The following ZFHX3 variants were observed in gnomAD, a reference collection of about 807,000 sequenced individuals.
The protein encoded by ZFHX3 is zinc finger homeobox 3.
ZFHX3 carries 42 observed loss-of-function variants against 279.1 expected under a neutral mutation model. The ratio of observed to expected loss-of-function variants is 0.15; its 90% CI spans 0.12 to 0.19. ZFHX3 has a LOEUF of 0.19. ZFHX3 is among the 10% of genes least tolerant of loss of function. The probability of loss-of-function intolerance (pLI) is 1.00; values close to 1 mark genes in which losing one functional copy is unlikely to be tolerated. For synonymous variants in ZFHX3, 2,293 were observed against 1,957.8 expected (o/e 1.17, Z -4.52); for missense variants, 4,981 against 4,754.0 (o/e 1.05, Z -1.40).
chr16:73,473,339 C>CAAAAAAAAAAAAAAAAACAAAAAAAAA (rs2018703248), intron 2 of ZFHX3, among the ~76,000 whole-genome samples: 1 of 76,658 alleles, frequency 1.3e-5, no homozygotes, highest in Non-Finnish European at 2.3e-5. Context: ...TGTCTCAAAG[C>CAAAAAAAAAAAAAAAAACAAAAAAAAA]AAAAAAAAAA....
intron 2 of ZFHX3, among the ~76,000 whole-genome samples, chr16:73,532,931 C>A (rs1250158367): frequency 3.9e-5 from 6 of 152,186 alleles, no homozygotes; most frequent in Non-Finnish European, 7.3e-5. Flanking sequence ...AAGGGGGGGC[C>A]TTCTGCCATG....
intron 2 of ZFHX3, among the ~76,000 whole-genome samples, chr16:73,577,731 T>G (rs1178587225): frequency 6.6e-6 from 1 of 152,210 alleles, no homozygotes; most frequent in Non-Finnish European, 1.5e-5. Flanking sequence ...AAATCTAAAT[T>G]TTTTGGAAGA....
intron 3 of ZFHX3, among the ~76,000 whole-genome samples, chr16:72,943,682 G>C (rs897865636): frequency 6.6e-6 from 1 of 152,190 alleles, no homozygotes; most frequent in African/African-American, 2.4e-5. Context: ...TCACTGTGTG[G>C]GAGTCTGGCC....
At chr16:73,839,257 G>T (rs1311655470) in intron 1 of ZFHX3, among the ~76,000 whole-genome samples, 1 of 142,036 alleles carries the variant, frequency 7.0e-6, no homozygotes. Flanking sequence ...AGCTACTTGG[G>T]AGGCTGAGGC....
At chr16:73,132,002 A>G (rs916542333) in intron 6 of ZFHX3, among the ~76,000 whole-genome samples, 8 of 152,064 alleles carry the variant, frequency 5.3e-5, no homozygotes, top group African/African-American at 1.9e-4. Context: ...AAGAGGGATG[A>G]GGGTCCGGTG....
intron 3 of ZFHX3, among the ~76,000 whole-genome samples, chr16:73,322,555 T>C (rs1041158211): frequency 3.3e-5 from 5 of 152,188 alleles, no homozygotes; most frequent in Admixed American, 3.3e-4. Flanking sequence ...TAGGCAGAAT[T>C]GCTCTCGGTT....
At chr16:73,492,171 C>T (rs1237325421) in intron 2 of ZFHX3, among the ~76,000 whole-genome samples, 2 of 152,174 alleles carry the variant, frequency 1.3e-5, no homozygotes, top group Non-Finnish European at 2.9e-5. Context: ...TCTCCTGCCT[C>T]TGACTCCAAC....
At chr16:73,754,988 T>G (rs1351592812) in intron 1 of ZFHX3, among the ~76,000 whole-genome samples, 1 of 152,218 alleles carries the variant, frequency 6.6e-6, no homozygotes, top group Non-Finnish European at 1.5e-5. Flanking sequence ...CATACAATTT[T>G]GTTTAATCTT....
chr16:73,255,736 T>A (rs1259027975), intron 5 of ZFHX3, among the ~76,000 whole-genome samples: 2 of 152,130 alleles, frequency 1.3e-5, no homozygotes, highest in Admixed American at 1.3e-4. Context: ...TTTTTAGGGG[T>A]CCCTGTGATT....
chr16:72,927,131 C>T (rs1289750576), intron 3 of ZFHX3, among the ~76,000 whole-genome samples: 3 of 151,906 alleles, frequency 2.0e-5, no homozygotes, highest in Non-Finnish European at 4.4e-5. Context: ...TTCAGGTCTC[C>T]ACTCCTTCTT....
At chr16:73,478,220 T>G (rs1005382091) in intron 2 of ZFHX3, among the ~76,000 whole-genome samples, 1 of 144,702 alleles carries the variant, frequency 6.9e-6, no homozygotes, top group Admixed American at 7.2e-5. Context: ...GAGCCGAGAT[T>G]GCGCCACTGC....
At chr16:73,427,662 A>G (rs2017834807) in intron 3 of ZFHX3, among the ~76,000 whole-genome samples, 1 of 152,182 alleles carries the variant, frequency 6.6e-6, no homozygotes, top group South Asian at 2.1e-4. Context: ...TTGGCTGGAC[A>G]AAGTGACTCA....
intron 1 of ZFHX3, among the ~76,000 whole-genome samples, chr16:73,765,743 A>G (rs534326662): frequency 6.6e-6 from 1 of 152,356 alleles, no homozygotes; most frequent in South Asian, 2.1e-4. Flanking sequence ...GAGTTCCACA[A>G]AAAATAATGG....
At chr16:73,772,146 A>G (rs2054025252) in intron 1 of ZFHX3, among the ~76,000 whole-genome samples, 2 of 152,122 alleles carry the variant, frequency 1.3e-5, no homozygotes, top group Non-Finnish European at 2.9e-5. Flanking sequence ...CTCGCCACAG[A>G]CCTTTCCTTT....
intron 4 of ZFHX3, among the ~76,000 whole-genome samples, chr16:73,296,346 G>A (rs1033115284): frequency 6.6e-6 from 1 of 152,160 alleles, no homozygotes; most frequent in African/African-American, 2.4e-5. Context: ...ATTCCATGAA[G>A]GAAGGATGGG....
intron 3 of ZFHX3, among the ~76,000 whole-genome samples, chr16:73,397,020 A>G (rs2017144089): frequency 6.6e-6 from 1 of 152,212 alleles, no homozygotes; most frequent in African/African-American, 2.4e-5. Context: ...CAGCATAAGG[A>G]AATAAACCTA....
At chr16:73,475,863 G>A (rs886815162) in intron 2 of ZFHX3, among the ~76,000 whole-genome samples, 2 of 151,910 alleles carry the variant, frequency 1.3e-5, no homozygotes, top group African/African-American at 2.4e-5. Context: ...TATTTTTAAA[G>A]GGAAAAACTC....
chr16:73,798,285 CGG>C (rs1320499869), intron 1 of ZFHX3, among the ~76,000 whole-genome samples: 12 of 151,484 alleles, frequency 7.9e-5, no homozygotes, highest in African/African-American at 2.4e-4. Context: ...GGTGGGGAGG[CGG>C]AATTCTCTTT....
intron 9 of ZFHX3, chr16:72,790,266 G>A (rs1041577802): frequency 1.2e-4 from 18 of 152,676 alleles, no homozygotes; most frequent in African/African-American, 4.3e-4. Context: ...AGAAAACAAA[G>A]AGGAGGATCC....
Sources: gnomAD v4.1 joint callset for allele counts (sites outside exome capture counted in the v4.1 genomes callset) on GRCh38, gnomAD v4.1.1 for gene constraint, MANE v1.5 for transcripts, NCBI Gene and HGNC (gene_info 2026-07-23, HGNC 2026-07-21) for gene names.